RGSL1: variants seen among roughly 807,000 people sequenced by gnomAD.
The protein encoded by RGSL1 is regulator of G protein signaling like 1.
Under a neutral mutation model 124.7 loss-of-function variants are expected in RGSL1, and 97 were observed. That is an observed-to-expected ratio of 0.78 (90% CI 0.66 to 0.92). RGSL1 has a LOEUF of 0.92. Among genes scored for constraint, RGSL1 ranks in the 40% least tolerant of loss-of-function variants. The probability of loss-of-function intolerance (pLI) is 0.00; values close to 1 mark genes in which losing one functional copy is unlikely to be tolerated. For synonymous variants in RGSL1, 424 were observed against 438.1 expected, an observed-to-expected ratio of 0.97 and a Z score of 0.40; for missense variants, 1,233 against 1,288.4, an observed-to-expected ratio of 0.96 and a Z score of 0.66.
intron 4 of RGSL1, among the ~76,000 whole-genome samples, chr1:182,463,711 T>C (rs554540018): frequency 2.8e-4 from 42 of 152,180 alleles, no homozygotes; most frequent in African/African-American, 8.9e-4. Flanking sequence ...CCTCAAAATA[T>C]ATGAAGCAAA....
At chr1:182,462,434 CTAACATCA>C (rs1410392343) in intron 4 of RGSL1, among the ~76,000 whole-genome samples, 2 of 151,978 alleles carry the variant, frequency 1.3e-5, no homozygotes, top group Admixed American at 6.6e-5. Context: ...AAATATAATA[CTAACATCA>C]TAAAATCATA....
In RGSL1 at chr1:182,504,165, G is replaced by C. The variant is rs1013437635; in HGVS notation, c.1825+11036G>C. The stretch of plus-strand genomic sequence containing the variant: ...GCAGCTAATTTTTGTATTTTTAGTA[G>C]AGACGGGGTTTCACCATGTTGGCCA... On this transcript the variant is annotated intron_variant, in intron 9 of 21. Coordinates refer to ENST00000294854, the MANE Select transcript of RGSL1 (RefSeq NM_001137669.2). Among the ~76,000 whole-genome samples, 8 of 152,038 alleles carry C rather than the reference G, an allele frequency of 5.3e-5. 1 individual carries two copies. Among genetic ancestry groups the C allele is most frequent in the East Asian group, 1.9e-4 (1 of 5,162 alleles).
At chr1:182,494,467 A>T (rs998657765) in intron 9 of RGSL1, among the ~76,000 whole-genome samples, 1 of 152,236 alleles carries the variant, frequency 6.6e-6, no homozygotes, top group African/African-American at 2.4e-5. Context: ...CACATTGTTA[A>T]AATTAATTTC....
chr1:182,494,416 T>G (rs943862174), intron 9 of RGSL1, among the ~76,000 whole-genome samples: 1 of 152,228 alleles, frequency 6.6e-6, no homozygotes, highest in Non-Finnish European at 1.5e-5. Context: ...ATGTGGCCAC[T>G]GAGCACTTGA....
intron 21 of RGSL1, among the ~76,000 whole-genome samples, chr1:182,559,583 C>T (rs780926168): frequency 1.3e-5 from 2 of 152,220 alleles, no homozygotes; most frequent in African/African-American, 4.8e-5. Flanking sequence ...ACAAATCTGA[C>T]CTGCTCATTT....
At chr1:182,506,955 T>C (rs1277875601) in intron 9 of RGSL1, among the ~76,000 whole-genome samples, 1 of 151,386 alleles carries the variant, frequency 6.6e-6, no homozygotes, top group Non-Finnish European at 1.5e-5. Flanking sequence ...TTGTAAGCTA[T>C]ATTGCTATAT....
intron 4 of RGSL1, among the ~76,000 whole-genome samples, chr1:182,470,614 T>C (rs1653756257): frequency 6.6e-6 from 1 of 152,222 alleles, no homozygotes; most frequent in African/African-American, 2.4e-5. Flanking sequence ...ATTCTGATTA[T>C]AACCTTCAAC....
chr1:182,513,956 T>C (rs1207058306), intron 9 of RGSL1, among the ~76,000 whole-genome samples: 1 of 151,100 alleles, frequency 6.6e-6, no homozygotes, highest in African/African-American at 2.4e-5. Flanking sequence ...TGCAATGGTG[T>C]GATCTTGGCT....
chr1:182,523,115 A>G lies in RGSL1; in HGVS notation c.1931+1006A>G, dbSNP rs1246107064. ...CAGTGGCTCAATCACAGCTCATTGC[A>G]GCCTCGACCTCCCTAGGCTCAAGTG... On this transcript the variant is annotated intron_variant, in intron 10 of 21. Coordinates refer to ENST00000294854, the MANE Select transcript of RGSL1 (RefSeq NM_001137669.2). Among the ~76,000 whole-genome samples the G allele has an allele frequency of 4.6e-5, 7 of 151,402 alleles. No individual in the cohort carries two copies. In the East Asian group the frequency reaches 1.2e-3, roughly 25 times the overall value.
chr1:182,545,608 C>T lies in RGSL1; in HGVS notation c.2670-2709C>T, dbSNP rs116060186. Among the ~76,000 whole-genome samples the T allele has an allele frequency of 3.7e-3, 556 of 152,254 alleles. 3 individuals carry two copies. The highest frequency in any genetic ancestry group is 0.013 in the African/African-American group (547 of 41,542). Reference sequence around the variant, plus strand: ...GACATGTCTGTTGGTCATGAATTCTCTCAGCTTTTGTTTGTCTAGGAAAGG... The same window carrying T: ...GACATGTCTGTTGGTCATGAATTCTTTCAGCTTTTGTTTGTCTAGGAAAGG... On this transcript the variant is annotated intron_variant, in intron 15 of 21. Transcript: ENST00000294854.
intron 8 of RGSL1, among the ~76,000 whole-genome samples, chr1:182,490,915 C>T (rs942810015): frequency 6.2e-5 from 8 of 128,996 alleles, no homozygotes; most frequent in East Asian, 2.3e-4. Context: ...AGAACATTAT[C>T]TTTTTTTTTT....
intron 15 of RGSL1, among the ~76,000 whole-genome samples, chr1:182,540,950 G>A (rs935354304): frequency 2.5e-4 from 38 of 152,106 alleles, no homozygotes; most frequent in African/African-American, 7.2e-4. Flanking sequence ...CCCAAAAGCT[G>A]TCTATTAATT....
chr1:182,530,107 T>C (rs1033558710), intron 11 of RGSL1, 137 bp from the exon 12 acceptor site: 1 of 613,884 alleles, frequency 1.6e-6, no homozygotes, highest in African/African-American at 1.9e-5. Context: ...AAACAAACTA[T>C]GGCGGGATCA....
intron 4 of RGSL1, among the ~76,000 whole-genome samples, chr1:182,466,084 T>C (rs1053849717): frequency 7.2e-5 from 11 of 152,086 alleles, no homozygotes; most frequent in African/African-American, 2.7e-4. Context: ...TCTCAATAGA[T>C]GCAGAAAAAG....
At chr1:182,552,494 A>G (rs1427853953) in intron 18 of RGSL1, among the ~76,000 whole-genome samples, 1 of 152,154 alleles carries the variant, frequency 6.6e-6, no homozygotes, top group Non-Finnish European at 1.5e-5. Flanking sequence ...TTTCAGGGGA[A>G]AGTTCTGAAA....
At chr1:182,490,171 A>G (rs1238818194) in intron 8 of RGSL1, among the ~76,000 whole-genome samples, 1 of 152,170 alleles carries the variant, frequency 6.6e-6, no homozygotes, top group Admixed American at 6.5e-5. Context: ...ATTTTTTGGC[A>G]TACTAGTGAG....
intron 15 of RGSL1, among the ~76,000 whole-genome samples, chr1:182,545,102 T>C (rs754310610): frequency 2.0e-5 from 3 of 152,114 alleles, no homozygotes; most frequent in Non-Finnish European, 4.4e-5. Flanking sequence ...GATTAAGTAA[T>C]TTTCTCTGGT....
chr1:182,456,345 G>A (rs1652322421), intron 2 of RGSL1, among the ~76,000 whole-genome samples: 1 of 149,676 alleles, frequency 6.7e-6, no homozygotes, highest in African/African-American at 2.5e-5. Flanking sequence ...TGCCTAGGCT[G>A]GAGTGCAGTG....
intron 1 of RGSL1, among the ~76,000 whole-genome samples, chr1:182,451,143 CAAAAAA>C (rs569488586): frequency 4.8e-5 from 5 of 105,060 alleles, no homozygotes; most frequent in Non-Finnish European, 5.8e-5. Context: ...GAGACTTTGG[CAAAAAA>C]AAAAAAAAAA....
Sources: gnomAD v4.1 joint callset for allele counts (sites outside exome capture counted in the v4.1 genomes callset) on GRCh38, gnomAD v4.1.1 for gene constraint, MANE v1.5 for transcripts, NCBI Gene and HGNC (gene_info 2026-07-23, HGNC 2026-07-21) for gene names.